The following TEAD1 variants were observed in gnomAD, a reference collection of about 807,000 sequenced individuals.
TEAD1 encodes the protein transcriptional enhancer factor TEF-1.
In TEAD1, 9 loss-of-function variants were observed where a neutral mutation model predicts 54.9. The observed-to-expected ratio is 0.16, with a 90% confidence interval of 0.10 to 0.29. The LOEUF (loss-of-function observed/expected upper bound fraction) is 0.29, where lower values mean the gene tolerates loss of function less well. Among genes scored for constraint, TEAD1 ranks in the 10% least tolerant of loss-of-function variants. The pLI is 1.00. For synonymous variants in TEAD1, 200 were observed against 187.8 expected, an observed-to-expected ratio of 1.07 and a Z score of -0.53; for missense variants, 387 against 535.9, an observed-to-expected ratio of 0.72 and a Z score of 2.74.
At chr11:12,844,182 A>G (rs963761342) in intron 3 of TEAD1, among the ~76,000 whole-genome samples, 1 of 152,194 alleles carries the variant, frequency 6.6e-6, no homozygotes, top group African/African-American at 2.4e-5. Flanking sequence ...TAATGTTTAA[A>G]TAAATGTAAA....
At chr11:12,821,084 G>A (rs1397315110) in intron 3 of TEAD1, among the ~76,000 whole-genome samples, 1 of 152,172 alleles carries the variant, frequency 6.6e-6, no homozygotes, top group African/African-American at 2.4e-5. Context: ...TCCAGCTGCT[G>A]TCCAGGCCTT....
At chr11:12,788,651 G>A (rs1409019786) in intron 3 of TEAD1, among the ~76,000 whole-genome samples, 1 of 152,104 alleles carries the variant, frequency 6.6e-6, no homozygotes, top group East Asian at 1.9e-4. Context: ...TGTAAGACGT[G>A]GTCCATATTT....
chr11:12,789,648 G>T (rs915792463), intron 3 of TEAD1, among the ~76,000 whole-genome samples: 3 of 152,242 alleles, frequency 2.0e-5, no homozygotes, highest in African/African-American at 7.2e-5. Context: ...TTTTCAGCCA[G>T]GTTGATAATT....
chr11:12,686,966 C>G (rs1177797006), intron 2 of TEAD1, among the ~76,000 whole-genome samples: 3 of 152,062 alleles, frequency 2.0e-5, no homozygotes, highest in Non-Finnish European at 4.4e-5. Flanking sequence ...GTTGAGAACT[C>G]TGGTGGAGAA....
chr11:12,851,150 C>T, intron 3 of TEAD1: 1 of 917,400 alleles, frequency 1.1e-6, no homozygotes, highest in African/African-American at 1.8e-5. Context: ...AAAACTATTT[C>T]ATGATCTCAC....
chr11:12,759,483 A>C (rs1359061852), intron 2 of TEAD1, among the ~76,000 whole-genome samples: 1 of 151,876 alleles, frequency 6.6e-6, no homozygotes, highest in Non-Finnish European at 1.5e-5. Flanking sequence ...TGTGTTTGGG[A>C]AAAAGTTCAG....
chr11:12,715,487 C>T (rs1944038517), intron 2 of TEAD1, among the ~76,000 whole-genome samples: 1 of 152,072 alleles, frequency 6.6e-6, no homozygotes, highest in African/African-American at 2.4e-5. Context: ...TTCGTTTCAC[C>T]TGGGTGGGGG....
At chr11:12,798,458 A>G (rs1449357262) in intron 3 of TEAD1, among the ~76,000 whole-genome samples, 1 of 152,172 alleles carries the variant, frequency 6.6e-6, no homozygotes, top group Non-Finnish European at 1.5e-5. Flanking sequence ...ACAGGGCTCC[A>G]TTGGTGTTAA....
At chr11:12,792,703 T>G (rs910963060) in intron 3 of TEAD1, among the ~76,000 whole-genome samples, 21 of 152,176 alleles carry the variant, frequency 1.4e-4, no homozygotes, top group Non-Finnish European at 5.9e-5. Flanking sequence ...CTATGAGGAT[T>G]ACATGAGATA....
At chr11:12,733,577 G>C (rs1475964612) in intron 2 of TEAD1, among the ~76,000 whole-genome samples, 1 of 152,118 alleles carries the variant, frequency 6.6e-6, no homozygotes, top group African/African-American at 2.4e-5. Flanking sequence ...GAGCTTGCAG[G>C]GTTCTGAGGT....
At chr11:12,904,718 A>C (rs1394259558) in intron 10 of TEAD1, 1 of 160,718 alleles carries the variant, frequency 6.2e-6, no homozygotes, top group Non-Finnish European at 1.4e-5. Context: ...AAATGAATGA[A>C]TATTTTAAAA....
chr11:12,936,400 C>A (rs1288579340), intron 12 of TEAD1, among the ~76,000 whole-genome samples: 1 of 152,188 alleles, frequency 6.6e-6, no homozygotes, highest in African/African-American at 2.4e-5. Context: ...AGGATTCTAC[C>A]TATCCCACTG....
chr11:12,915,718 TCTGTAATCC>T (rs1948700515), intron 10 of TEAD1, among the ~76,000 whole-genome samples: 1 of 152,042 alleles, frequency 6.6e-6, no homozygotes. Context: ...GTGGCGCACA[TCTGTAATCC>T]CAGCTACTTG....
chr11:12,929,470 A>T, intron 11 of TEAD1, among the ~76,000 whole-genome samples: 1 of 149,430 alleles, frequency 6.7e-6, no homozygotes, highest in African/African-American at 2.5e-5. Context: ...TATTCTGTAA[A>T]TTTTTACCTT....
intron 3 of TEAD1, among the ~76,000 whole-genome samples, chr11:12,851,298 A>G (rs894835565): frequency 2.0e-5 from 3 of 152,226 alleles, no homozygotes; most frequent in African/African-American, 4.8e-5. Context: ...ATATGCGTCT[A>G]GAGGTCTAAT....
intron 2 of TEAD1, among the ~76,000 whole-genome samples, chr11:12,725,941 G>A (rs564413852): frequency 6.6e-6 from 1 of 152,320 alleles, no homozygotes; most frequent in Non-Finnish European, 1.5e-5. Flanking sequence ...CTATGGCCTA[G>A]AGTGAGAGAT....
chr11:12,889,695 C>G (rs530653453), intron 9 of TEAD1, among the ~76,000 whole-genome samples: 20 of 152,254 alleles, frequency 1.3e-4, no homozygotes, highest in Non-Finnish European at 2.8e-4. Flanking sequence ...CACACGTTTG[C>G]TCAACATATG....
chr11:12,917,952 T>C (rs540561983), intron 10 of TEAD1, among the ~76,000 whole-genome samples: 1 of 152,368 alleles, frequency 6.6e-6, no homozygotes, highest in Admixed American at 6.5e-5. Flanking sequence ...AGATAAGTTT[T>C]ACTAGTTTTC....
intron 2 of TEAD1, among the ~76,000 whole-genome samples, chr11:12,750,080 C>T (rs759715042): frequency 6.6e-6 from 1 of 152,164 alleles, no homozygotes; most frequent in Non-Finnish European, 1.5e-5. Context: ...CATTGGGACC[C>T]AGTTGACATT....
Sources: allele counts gnomAD v4.1 joint callset (sites outside exome capture counted in the v4.1 genomes callset), GRCh38; gene constraint gnomAD v4.1.1; transcripts MANE v1.5; gene names NCBI Gene and HGNC (gene_info 2026-07-23, HGNC 2026-07-21).